The following PCCA variants were observed in gnomAD, a reference collection of about 807,000 sequenced individuals.
The protein encoded by PCCA is propionyl-CoA carboxylase alpha chain, mitochondrial.
A neutral mutation model predicts 101.3 loss-of-function variants in PCCA; 74 were observed. The observed-to-expected ratio is 0.73, with a 90% CI of 0.61 to 0.89. PCCA has a LOEUF of 0.89. Among genes scored for constraint, PCCA ranks in the 40% least tolerant of loss-of-function variants. PCCA has a pLI of 0.00. For missense variants in PCCA, 891 were observed against 907.0 expected, an observed-to-expected ratio of 0.98 and a Z score of 0.23; for synonymous variants, 294 against 313.6, an observed-to-expected ratio of 0.94 and a Z score of 0.66.
At chr13:100,363,880 T>A (rs1034000456) in intron 18 of PCCA, among the ~76,000 whole-genome samples, 1 of 152,202 alleles carries the variant, frequency 6.6e-6, no homozygotes, top group African/African-American at 2.4e-5. Context: ...AGCACCCTTT[T>A]GAGTAAAATA....
At position 100,402,792 on chromosome 13, in the gene PCCA, A is replaced by G. The variant is rs377301553; in HGVS notation, c.1747-22841A>G. Reference sequence around the variant, plus strand: ...AGAGCAAACTGAACAAAATGAATAGAATAGGTGTCAGGTCATGGAAGATGG... The same window carrying G: ...AGAGCAAACTGAACAAAATGAATAGGATAGGTGTCAGGTCATGGAAGATGG... On this transcript the variant is annotated intron_variant, in intron 19 of 23. Coordinates refer to ENST00000376285, the MANE Select transcript of PCCA (RefSeq NM_000282.4). Among the ~76,000 whole-genome samples, 3 of 152,284 alleles carry G rather than the reference A, an allele frequency of 2.0e-5. No homozygotes were observed. In the East Asian group the frequency reaches 5.8e-4, roughly 29 times the overall value.
intron 4 of PCCA, chr13:100,149,210 C>T (rs1290296460): frequency 7.0e-5 from 9 of 129,078 alleles, no homozygotes; most frequent in Non-Finnish European, 1.5e-4. Context: ...ATGCAGTTGG[C>T]TTTCCTTTAA....
chr13:100,151,192 G>T, intron 4 of PCCA: 1 of 670,702 alleles, frequency 1.5e-6, no homozygotes, highest in Non-Finnish European at 2.5e-6. Context: ...AGTCCTGTAA[G>T]ATGAAAAACA....
chr13:100,111,980 T>C lies in PCCA; in HGVS notation c.232-13T>C, dbSNP rs755091846. 9 of 1,587,518 alleles carry C rather than the reference T, an allele frequency of 5.7e-6. No homozygotes were observed. The South Asian group carries it at 8.9e-5, about 16-fold the overall frequency. On this transcript the variant is annotated splice_polypyrimidine_tract_variant and intron_variant, in intron 3 of 23. Coordinates refer to ENST00000376285, the MANE Select transcript of PCCA (RefSeq NM_000282.4). Reference sequence around the variant, plus strand: ...GAATCACTATTAATAGACATTAATATATTTTAAAATAGGTTATTAGAACTT... The same window carrying C: ...GAATCACTATTAATAGACATTAATACATTTTAAAATAGGTTATTAGAACTT...
At chr13:100,333,427 T>C (rs1391225025) in intron 17 of PCCA, among the ~76,000 whole-genome samples, 1 of 152,234 alleles carries the variant, frequency 6.6e-6, no homozygotes, top group Non-Finnish European at 1.5e-5. Flanking sequence ...ATTAAAATTT[T>C]CTATTGTATA....
chr13:100,095,172 C>G (rs1191518643), intron 1 of PCCA, among the ~76,000 whole-genome samples: 1 of 152,170 alleles, frequency 6.6e-6, no homozygotes, highest in Non-Finnish European at 1.5e-5. Context: ...CCTCCTCCTT[C>G]TTGTGCGTCT....
intron 6 of PCCA, among the ~76,000 whole-genome samples, chr13:100,158,439 C>A (rs1277473164): frequency 6.6e-6 from 1 of 152,198 alleles, no homozygotes; most frequent in Non-Finnish European, 1.5e-5. Flanking sequence ...AACCACCTTG[C>A]TTTGTGGGTC....
chr13:100,091,693 G>C (rs2046294593), intron 1 of PCCA, among the ~76,000 whole-genome samples: 1 of 152,106 alleles, frequency 6.6e-6, no homozygotes, highest in Admixed American at 6.5e-5. Context: ...CTAGTCTAGA[G>C]AATTCTGACC....
chr13:100,160,150 G>T (rs1348430442), intron 6 of PCCA, among the ~76,000 whole-genome samples: 1 of 152,056 alleles, frequency 6.6e-6, no homozygotes, highest in Non-Finnish European at 1.5e-5. Context: ...AATTTTTTAT[G>T]CTGAGTTTAC....
At chr13:100,134,218 T>TG (rs1290177707) in intron 4 of PCCA, among the ~76,000 whole-genome samples, 4 of 152,174 alleles carry the variant, frequency 2.6e-5, no homozygotes, top group Non-Finnish European at 5.9e-5. Flanking sequence ...AAAAATCAAA[T>TG]GGGGTGATAT....
At chr13:100,369,293 G>A (rs891898776) in intron 19 of PCCA, among the ~76,000 whole-genome samples, 3 of 152,012 alleles carry the variant, frequency 2.0e-5, no homozygotes, top group East Asian at 1.9e-4. Context: ...CTCTTCTTAC[G>A]GCTAAATTGC....
At chr13:100,136,472 C>T (rs754267699) in intron 4 of PCCA, among the ~76,000 whole-genome samples, 4 of 152,124 alleles carry the variant, frequency 2.6e-5, no homozygotes, top group Non-Finnish European at 5.9e-5. Flanking sequence ...AGGTGTGAGC[C>T]ACGCGCCCGG....
chr13:100,326,653 T>A (rs1386388982), intron 16 of PCCA, among the ~76,000 whole-genome samples: 2 of 152,078 alleles, frequency 1.3e-5, no homozygotes, highest in Non-Finnish European at 2.9e-5. Flanking sequence ...CTGCAACCCC[T>A]GAGACAGCAA....
intron 11 of PCCA, among the ~76,000 whole-genome samples, chr13:100,270,230 G>T (rs1181910101): frequency 6.6e-6 from 1 of 152,226 alleles, no homozygotes; most frequent in African/African-American, 2.4e-5. Context: ...ATTACTTGGT[G>T]TTGATCTGAA....
chr13:100,293,306 A>C (rs1217530174), intron 12 of PCCA: 1 of 463,310 alleles, frequency 2.2e-6, no homozygotes, highest in African/African-American at 2.0e-5. Flanking sequence ...TAATCTCATC[A>C]GGGGGAATTC....
At chr13:100,461,668 C>CT (rs929188076) in intron 21 of PCCA, among the ~76,000 whole-genome samples, 2 of 152,190 alleles carry the variant, frequency 1.3e-5, no homozygotes, top group Admixed American at 6.5e-5. Flanking sequence ...GACATGATGG[C>CT]TTACTGGGGT....
chr13:100,285,422 C>T (rs2064530443), intron 12 of PCCA, among the ~76,000 whole-genome samples: 2 of 152,176 alleles, frequency 1.3e-5, no homozygotes, highest in African/African-American at 4.8e-5. Context: ...TGGGACAACC[C>T]CACCACCAGT....
chr13:100,196,619 C>T (rs2058119111), intron 6 of PCCA, among the ~76,000 whole-genome samples: 1 of 152,070 alleles, frequency 6.6e-6, no homozygotes, highest in Non-Finnish European at 1.5e-5. Flanking sequence ...AATACTGAAA[C>T]AGAAAGACAC....
chr13:100,146,898 A>C (rs1486355391), intron 4 of PCCA, among the ~76,000 whole-genome samples: 2 of 146,792 alleles, frequency 1.4e-5, no homozygotes, highest in Admixed American at 6.6e-5. Flanking sequence ...GCAGCGCACA[A>C]TACCTGCAAA....
Sources: allele counts gnomAD v4.1 joint callset (sites outside exome capture counted in the v4.1 genomes callset), GRCh38; gene constraint gnomAD v4.1.1; transcripts MANE v1.5; gene names NCBI Gene and HGNC (gene_info 2026-07-23, HGNC 2026-07-21).